SPPL3: variants seen among roughly 807,000 people sequenced by gnomAD.
The protein encoded by SPPL3 is signal peptide peptidase like 3.
SPPL3 carries 5 observed loss-of-function variants against 42.4 expected under a neutral mutation model. The observed-to-expected ratio is 0.12, with a 90% CI of 0.06 to 0.25. The LOEUF (loss-of-function observed/expected upper bound fraction) is 0.25. Ranked by LOEUF, SPPL3 falls within the 10% of genes least tolerant of loss-of-function variation. SPPL3 has a pLI of 1.00. For synonymous variants in SPPL3, 195 were observed against 181.8 expected (o/e 1.07, Z -0.58); for missense variants, 235 against 489.0 (o/e 0.48, Z 4.90).
chr12:120,880,394 C>G (rs546937942), intron 1 of SPPL3, among the ~76,000 whole-genome samples: 1 of 152,142 alleles, frequency 6.6e-6, no homozygotes, highest in African/African-American at 2.4e-5. Context: ...AGAGAACACA[C>G]AACAAAAGAC....
intron 1 of SPPL3, among the ~76,000 whole-genome samples, chr12:120,879,979 A>C (rs1322750408): frequency 6.6e-6 from 1 of 150,908 alleles, no homozygotes; most frequent in Non-Finnish European, 1.5e-5. Context: ...CCCTGCTTTT[A>C]TCTTTTTTTT....
chr12:120,777,785 G>C (rs1869377743), intron 6 of SPPL3, among the ~76,000 whole-genome samples: 1 of 152,186 alleles, frequency 6.6e-6, no homozygotes, highest in Non-Finnish European at 1.5e-5. Flanking sequence ...GGGTTCTCTA[G>C]TACTGAAGCA....
intron 1 of SPPL3, among the ~76,000 whole-genome samples, chr12:120,861,929 T>C (rs970926908): frequency 4.6e-5 from 7 of 152,208 alleles, no homozygotes; most frequent in African/African-American, 1.7e-4. Flanking sequence ...AACATCTTCA[T>C]GTCTTCAATT....
At chr12:120,882,206 G>T (rs1308192505) in intron 1 of SPPL3, among the ~76,000 whole-genome samples, 2 of 152,038 alleles carry the variant, frequency 1.3e-5, no homozygotes, top group Non-Finnish European at 2.9e-5. Flanking sequence ...TTATCAGATT[G>T]AATAAACAGT....
chr12:120,791,950 C>A, intron 2 of SPPL3: 1 of 199,278 alleles, frequency 5.0e-6, no homozygotes, highest in Non-Finnish European at 1.0e-5. Context: ...TGTATGAGAG[C>A]ACTCATTTCC....
rs143516684 is a variant in SPPL3, at chr12:120,778,586, A to T, written c.502+4069T>A. 5.9e-3 allele frequency among the ~76,000 whole-genome samples: 896 copies of T among 152,158 alleles called. 11 individuals are homozygous for T. Among genetic ancestry groups the T allele is most frequent in the African/African-American group, 0.02 (811 of 41,542 alleles). On this transcript the variant is annotated intron_variant, in intron 6 of 10. Coordinates refer to ENST00000353487, the MANE Select transcript of SPPL3 (RefSeq NM_139015.5). ...CTCCTCCACACAAACCCTGCCAACC[A>T]CTGAGCTGTTCTCCATCACTATAAT...
intron 2 of SPPL3, among the ~76,000 whole-genome samples, chr12:120,793,517 C>A (rs1430326675): frequency 6.6e-6 from 1 of 152,190 alleles, no homozygotes; most frequent in Non-Finnish European, 1.5e-5. Flanking sequence ...GAAACCACTT[C>A]ACACATAGCA....
At chr12:120,868,784 G>T (rs1435748460) in intron 1 of SPPL3, among the ~76,000 whole-genome samples, 1 of 152,004 alleles carries the variant, frequency 6.6e-6, no homozygotes, top group African/African-American at 2.4e-5. Context: ...CCGGCCAATG[G>T]TGTGGTAATT....
At chr12:120,835,114 T>C (rs1395818710) in intron 1 of SPPL3, among the ~76,000 whole-genome samples, 4 of 152,216 alleles carry the variant, frequency 2.6e-5, no homozygotes, top group Non-Finnish European at 5.9e-5. Context: ...CACAGTCTCC[T>C]GGAAAACAGG....
chr12:120,784,559 G>C lies in SPPL3; in HGVS notation c.225C>G (p.Phe75Leu). The C allele has an allele frequency of 2.5e-6, 4 of 1,612,658 alleles. No individual in the cohort carries two copies. Among genetic ancestry groups the C allele is most frequent in the Non-Finnish European group, 3.4e-6 (4 of 1,179,322 alleles). ...IQTIDSTQAL[F>L]LPIGASVSLL... ...GAGAGACAGATGCTCCAATTGGAAG[G>C]AACAGAGCCTGGGTAGAGTCAATTG... The change falls in exon 4 of 11, where the codon TTC becomes TTG. Residue 75 changes from phenylalanine to leucine, a missense_variant. By Grantham distance (22) the Phe-to-Leu change is conservative. Transcript: ENST00000353487.
At chr12:120,823,246 G>A (rs1871127117) in intron 1 of SPPL3, among the ~76,000 whole-genome samples, 1 of 151,334 alleles carries the variant, frequency 6.6e-6, no homozygotes, top group African/African-American at 2.4e-5. Flanking sequence ...CGGTGGCGGG[G>A]AGGACAGAGA....
At chr12:120,781,525 TAC>T (rs1027328144) in intron 6 of SPPL3, among the ~76,000 whole-genome samples, 13 of 150,500 alleles carry the variant, frequency 8.6e-5, no homozygotes, top group Non-Finnish European at 1.9e-4. Context: ...TGCATTATAT[TAC>T]AGTCTAATCC....
intron 1 of SPPL3, chr12:120,845,243 C>A: frequency 2.5e-6 from 1 of 408,106 alleles, no homozygotes; most frequent in East Asian, 7.5e-5. Flanking sequence ...TCTGTGGTCC[C>A]TGCTGCATTC....
intron 6 of SPPL3, chr12:120,769,598 T>G (rs1335017522): frequency 6.5e-6 from 1 of 153,482 alleles, no homozygotes; most frequent in African/African-American, 2.4e-5. Context: ...TCACCCAGGC[T>G]GGAGTGCAGT....
chr12:120,888,422 G>T (rs2137063443), intron 1 of SPPL3, among the ~76,000 whole-genome samples: 1 of 152,202 alleles, frequency 6.6e-6, no homozygotes, highest in East Asian at 1.9e-4. Flanking sequence ...CCAAATGCCT[G>T]TCAACTAATG....
intron 1 of SPPL3, chr12:120,845,268 G>T: frequency 2.7e-6 from 1 of 372,222 alleles, no homozygotes; most frequent in Non-Finnish European, 5.4e-6. Flanking sequence ...CATTGGAGAG[G>T]TCCTGCTTGT....
chr12:120,781,555 GTTTTTTTTTTTTTTTTT>G (rs527339173), intron 6 of SPPL3, among the ~76,000 whole-genome samples: 52 of 63,002 alleles, frequency 8.3e-4, no homozygotes, highest in South Asian at 1.4e-3. Flanking sequence ...TTATTGTTAC[GTTTTTTTTTTTTTTTTT>G]TTTTTTTTTT....
chr12:120,809,217 C>A (rs1040803866), intron 2 of SPPL3, among the ~76,000 whole-genome samples: 2 of 152,038 alleles, frequency 1.3e-5, no homozygotes, highest in Non-Finnish European at 2.9e-5. Flanking sequence ...TGGTGGCGGG[C>A]GCCTGTAGTC....
intron 1 of SPPL3, among the ~76,000 whole-genome samples, chr12:120,895,869 T>G (rs914157486): frequency 6.6e-6 from 1 of 152,192 alleles, no homozygotes; most frequent in African/African-American, 2.4e-5. Context: ...CGCTAAAGAT[T>G]TCCTGATTCG....
Sources: allele counts gnomAD v4.1 joint callset (sites outside exome capture counted in the v4.1 genomes callset), GRCh38; gene constraint gnomAD v4.1.1; transcripts MANE v1.5; gene names NCBI Gene and HGNC (gene_info 2026-07-23, HGNC 2026-07-21).